The following TMEM150C variants were observed in gnomAD, a reference collection of about 807,000 sequenced individuals.
TMEM150C encodes the protein tentonin 3.
Under a neutral mutation model 29.9 loss-of-function variants are expected in TMEM150C, and 10 were observed. The ratio of observed to expected loss-of-function variants is 0.33; its 90% CI spans 0.21 to 0.57. The LOEUF is 0.57. TMEM150C is among the 20% of genes least tolerant of loss of function. The pLI is 0.88. For synonymous variants in TMEM150C, 101 were observed against 112.5 expected (o/e 0.90, Z 0.64); for missense variants, 251 against 303.6 (o/e 0.83, Z 1.29).
intron 1 of TMEM150C, among the ~76,000 whole-genome samples, chr4:82,550,257 ACT>A (rs376143202): frequency 6.0e-5 from 9 of 150,128 alleles, no homozygotes; most frequent in Admixed American, 1.3e-4. Flanking sequence ...ACTCTCATGA[ACT>A]CTCTCTCTCT....
intron 1 of TMEM150C, among the ~76,000 whole-genome samples, chr4:82,561,656 C>T (rs980145810): frequency 1.7e-4 from 25 of 147,050 alleles, no homozygotes; most frequent in Admixed American, 1.7e-3. Flanking sequence ...GGGGCAGAGC[C>T]GGCACCGACT....
chr4:82,516,106 C>T (rs1419433551), intron 1 of TMEM150C, among the ~76,000 whole-genome samples: 5 of 152,128 alleles, frequency 3.3e-5, no homozygotes, highest in Admixed American at 3.3e-4. Flanking sequence ...ATGCACCACT[C>T]AGATCCCCAG....
chr4:82,529,336 T>G (rs910660009), intron 1 of TMEM150C, among the ~76,000 whole-genome samples: 23 of 148,426 alleles, frequency 1.5e-4, no homozygotes, highest in South Asian at 8.8e-4. Context: ...TTGCCCAGGC[T>G]GGAGTGCAGT....
At chr4:82,490,259 G>A in intron 6 of TMEM150C, 21 bp from the exon 7 acceptor site, 1 of 1,610,510 alleles carries the variant, frequency 6.2e-7, no homozygotes, top group Non-Finnish European at 8.5e-7. Context: ...AATGGATAAT[G>A]ACACATGAAG....
intron 1 of TMEM150C, among the ~76,000 whole-genome samples, chr4:82,561,559 C>T (rs1725929281): frequency 6.7e-6 from 1 of 149,310 alleles, no homozygotes; most frequent in South Asian, 2.1e-4. Flanking sequence ...GGGCCGGGGC[C>T]GGGGCCGGGG....
intron 1 of TMEM150C, among the ~76,000 whole-genome samples, chr4:82,512,202 T>A (rs1220386806): frequency 1.3e-5 from 2 of 152,144 alleles, no homozygotes; most frequent in Admixed American, 1.3e-4. Flanking sequence ...CCACTTGGGA[T>A]GCTATAGTGA....
chr4:82,522,868 C>G (rs1486126114), intron 1 of TMEM150C, among the ~76,000 whole-genome samples: 1 of 152,090 alleles, frequency 6.6e-6, no homozygotes, highest in African/African-American at 2.4e-5. Flanking sequence ...CCAAAGACAC[C>G]AGGGTGATCA....
At chr4:82,556,144 A>G (rs536260849) in intron 1 of TMEM150C, among the ~76,000 whole-genome samples, 1 of 151,272 alleles carries the variant, frequency 6.6e-6, no homozygotes, top group African/African-American at 2.4e-5. Flanking sequence ...ACACCCGGCT[A>G]ATTTTGTATT....
rs183851317 is a variant in TMEM150C, at chr4:82,547,475, G to T, written c.-11+14431C>A. On this transcript the variant is annotated intron_variant, in intron 1 of 7. Coordinates refer to ENST00000449862, the MANE Select transcript of TMEM150C (RefSeq NM_001080506.3). The stretch of plus-strand genomic sequence containing the variant: ...ATGGTGGCACACGCCTGTAGTCCCA[G>T]CTACTTGGGAGACTGGGGCAGGAGA... 2.6e-5 allele frequency among the ~76,000 whole-genome samples: 4 copies of T among 152,182 alleles called. No homozygotes were observed. The East Asian group carries it at 7.7e-4, about 29-fold the overall frequency.
In TMEM150C at chr4:82,529,262, T is replaced by TCTCC. The variant is rs1376899539; in HGVS notation, c.-10-24599_-10-24596dup. Among the ~76,000 whole-genome samples the TCTCC allele has an allele frequency of 5.2e-3, 541 of 104,972 alleles. 3 individuals are homozygous for TCTCC. Among genetic ancestry groups the TCTCC allele is most frequent in the African/African-American group, 0.019 (514 of 27,394 alleles). 68.9% of individuals were successfully genotyped at this position (104,972 alleles called of 152,430 possible). A position where few individuals can be genotyped will look rare whatever the true frequency, so the allele number is the denominator to read the frequency against. Reference sequence around the variant, plus strand: ...CTTTCCCTCCCTCCCTCCCTCCCTCTCTCCCTCCCTCCCTTCCTTCCTTCC... The same window carrying TCTCC: ...CTTTCCCTCCCTCCCTCCCTCCCTCTCTCCCTCCCTCCCTCCCTTCCTTCCTTCC... On this transcript the variant is annotated intron_variant, in intron 1 of 7. Transcript: ENST00000449862.
intron 6 of TMEM150C, chr4:82,495,309 G>A: frequency 4.8e-6 from 1 of 209,148 alleles, no homozygotes; most frequent in Non-Finnish European, 9.6e-6. Flanking sequence ...GGGTGTGGTG[G>A]CATTCCCCGT....
chr4:82,518,430 G>A (rs1005540462), intron 1 of TMEM150C, among the ~76,000 whole-genome samples: 2 of 152,288 alleles, frequency 1.3e-5, no homozygotes, highest in Admixed American at 6.5e-5. Flanking sequence ...TACCAGACCC[G>A]GGATGCACTG....
intron 7 of TMEM150C, among the ~76,000 whole-genome samples, chr4:82,487,913 T>C (rs978296083): frequency 2.0e-5 from 3 of 152,136 alleles, no homozygotes; most frequent in African/African-American, 7.2e-5. Context: ...TTCTAGCTAT[T>C]TTGAACTTTT....
chr4:82,492,816 A>T (rs1455611644), intron 6 of TMEM150C, among the ~76,000 whole-genome samples: 2 of 138,042 alleles, frequency 1.4e-5, no homozygotes, highest in East Asian at 4.2e-4. Flanking sequence ...AAAAACAACA[A>T]AGTCTATCCA....
chr4:82,494,803 T>TTTTTGG, intron 6 of TMEM150C: 2 of 302,812 alleles, frequency 6.6e-6, no homozygotes, highest in East Asian at 7.5e-5. Context: ...TTTTTTTTTT[T>TTTTTGG]GTGAGTCTGA....
At chr4:82,507,130 G>A (rs567233897) in intron 1 of TMEM150C, among the ~76,000 whole-genome samples, 1 of 152,296 alleles carries the variant, frequency 6.6e-6, no homozygotes, top group South Asian at 2.1e-4. Flanking sequence ...GCAGTACCTT[G>A]GAGGTTAAGC....
chr4:82,547,592 T>TAA (rs138450937), intron 1 of TMEM150C, among the ~76,000 whole-genome samples: 2 of 133,160 alleles, frequency 1.5e-5, no homozygotes, highest in African/African-American at 5.4e-5. Context: ...GTCTCAAAAA[T>TAA]AAAAAAAAAA....
At chr4:82,553,941 A>G (rs1390154480) in intron 1 of TMEM150C, among the ~76,000 whole-genome samples, 17 of 152,218 alleles carry the variant, frequency 1.1e-4, no homozygotes, top group Admixed American at 1.0e-3. Flanking sequence ...TTTATGCCAC[A>G]TATAAGCTGA....
chr4:82,495,928 A>G (rs1723542103), intron 6 of TMEM150C, 140 bp downstream of exon 6: 3 of 1,092,476 alleles, frequency 2.7e-6, no homozygotes, highest in African/African-American at 3.2e-5. Context: ...GTTGCCATGG[A>G]AAAGAGTCCT....
Sources: allele counts gnomAD v4.1 joint callset (sites outside exome capture counted in the v4.1 genomes callset), GRCh38; gene constraint gnomAD v4.1.1; transcripts MANE v1.5; gene names NCBI Gene and HGNC (gene_info 2026-07-23, HGNC 2026-07-21).